DIP2B: variants seen among roughly 807,000 people sequenced by gnomAD.
DIP2B encodes the protein disco-interacting protein 2 homolog B.
A neutral mutation model predicts 198.0 loss-of-function variants in DIP2B; 76 were observed. The ratio of observed to expected loss-of-function variants is 0.38; its 90% CI spans 0.32 to 0.46. The LOEUF (loss-of-function observed/expected upper bound fraction) is 0.46. DIP2B is among the 20% of genes least tolerant of loss of function. The pLI is 0.99. For synonymous variants in DIP2B, 701 were observed against 739.1 expected, an observed-to-expected ratio of 0.95 and a Z score of 0.84; for missense variants, 1,559 against 1,978.4, an observed-to-expected ratio of 0.79 and a Z score of 4.02.
At chr12:50,535,623 G>A (rs1033646860) in intron 1 of DIP2B, among the ~76,000 whole-genome samples, 1 of 151,630 alleles carries the variant, frequency 6.6e-6, no homozygotes, top group African/African-American at 2.4e-5. Flanking sequence ...CTCCTGCCTC[G>A]GTCTCCCAAA....
At chr12:50,580,356 G>A (rs1431128956) in intron 1 of DIP2B, among the ~76,000 whole-genome samples, 1 of 148,534 alleles carries the variant, frequency 6.7e-6, no homozygotes, top group Non-Finnish European at 1.5e-5. Context: ...GGAGTTAAGA[G>A]ATTTTTCCTT....
chr12:50,652,374 C>T (rs891312013), intron 3 of DIP2B, among the ~76,000 whole-genome samples: 1 of 149,364 alleles, frequency 6.7e-6, no homozygotes, highest in Non-Finnish European at 1.5e-5. Flanking sequence ...CACACACGCA[C>T]ACACACACAC....
intron 19 of DIP2B, among the ~76,000 whole-genome samples, chr12:50,699,578 G>A (rs1939380232): frequency 6.6e-6 from 1 of 152,124 alleles, no homozygotes; most frequent in Non-Finnish European, 1.5e-5. Flanking sequence ...GGTAGCTCAT[G>A]CCTGTAATCC....
chr12:50,536,578 T>TG (rs1157005756), intron 1 of DIP2B, among the ~76,000 whole-genome samples: 2 of 151,802 alleles, frequency 1.3e-5, no homozygotes, highest in African/African-American at 2.4e-5. Context: ...TGTTTTGTTT[T>TG]TTTTTTTGAG....
intron 1 of DIP2B, among the ~76,000 whole-genome samples, chr12:50,510,647 C>T (rs1057309988): frequency 7.3e-6 from 1 of 136,276 alleles, no homozygotes; most frequent in Admixed American, 7.3e-5. Flanking sequence ...TAAAGTACCA[C>T]CTTTTTTTTT....
chr12:50,513,853 G>A (rs1344403052), intron 1 of DIP2B, among the ~76,000 whole-genome samples: 6 of 141,050 alleles, frequency 4.3e-5, no homozygotes, highest in Non-Finnish European at 7.6e-5. Context: ...CAGCCTGGGA[G>A]ATAGAGTGGG....
chr12:50,736,736 C>T (rs1940144967), intron 34 of DIP2B, among the ~76,000 whole-genome samples: 1 of 152,220 alleles, frequency 6.6e-6, no homozygotes, highest in Non-Finnish European at 1.5e-5. Flanking sequence ...ACAAATTCTA[C>T]TGTTAAGGTC....
At chr12:50,620,017 C>T (rs747932138) in intron 1 of DIP2B, among the ~76,000 whole-genome samples, 20 of 152,252 alleles carry the variant, frequency 1.3e-4, no homozygotes, top group Non-Finnish European at 2.5e-4. Context: ...CACTGCACTC[C>T]GGCCTGGGTG....
chr12:50,704,763 G>A (rs1192562779), intron 20 of DIP2B, among the ~76,000 whole-genome samples: 3 of 152,060 alleles, frequency 2.0e-5, no homozygotes, highest in Non-Finnish European at 4.4e-5. Flanking sequence ...TCAGGAGTTC[G>A]AGACCAGCCT....
At chr12:50,628,561 C>T (rs116877678) in intron 2 of DIP2B, among the ~76,000 whole-genome samples, 4 of 152,096 alleles carry the variant, frequency 2.6e-5, no homozygotes, top group African/African-American at 4.8e-5. Context: ...TCATCTCTAT[C>T]GTACAGTCAT....
Position 50,533,356 on chromosome 12 carries a change from T to C in DIP2B, c.100+28116T>C, listed in dbSNP as rs577409565. On this transcript the variant is annotated intron_variant, in intron 1 of 37. Coordinates refer to ENST00000301180, the MANE Select transcript of DIP2B (RefSeq NM_173602.3). Reference sequence around the variant, plus strand: ...AATAACCCAACCAAGATGATTGTTTTTCTTTTGCTGTCAGCCTTATCAGCC... The same window carrying C: ...AATAACCCAACCAAGATGATTGTTTCTCTTTTGCTGTCAGCCTTATCAGCC... Among the ~76,000 whole-genome samples the C allele has an allele frequency of 1.5e-3, 232 of 152,328 alleles. 7 individuals are homozygous for C. In the South Asian group the frequency reaches 0.047, roughly 31 times the overall value.
intron 5 of DIP2B, among the ~76,000 whole-genome samples, chr12:50,671,984 T>C (rs926916209): frequency 6.6e-6 from 1 of 152,190 alleles, no homozygotes; most frequent in African/African-American, 2.4e-5. Context: ...TTATGTTTTG[T>C]GTGTGTGTTT....
intron 1 of DIP2B, among the ~76,000 whole-genome samples, chr12:50,508,285 T>A (rs142030462): frequency 1.3e-5 from 2 of 152,360 alleles, no homozygotes; most frequent in East Asian, 3.9e-4. Context: ...TGCAAGTATT[T>A]CTGTGACTGA....
chr12:50,611,667 A>G (rs1176502567), intron 1 of DIP2B, among the ~76,000 whole-genome samples: 1 of 151,094 alleles, frequency 6.6e-6, no homozygotes, highest in Admixed American at 6.6e-5. Flanking sequence ...CTTTTTACCT[A>G]CCCCCAGTAC....
intron 1 of DIP2B, among the ~76,000 whole-genome samples, chr12:50,543,088 G>C (rs1958340940): frequency 6.6e-6 from 1 of 151,854 alleles, no homozygotes; most frequent in South Asian, 2.1e-4. Flanking sequence ...TGCCCAGGCT[G>C]GTCTCAAACT....
At chr12:50,638,300 A>G (rs765599397) in intron 2 of DIP2B, among the ~76,000 whole-genome samples, 8 of 152,228 alleles carry the variant, frequency 5.3e-5, no homozygotes, top group South Asian at 2.1e-4. Context: ...AATTCATCCT[A>G]TAAGCAGAAC....
intron 1 of DIP2B, among the ~76,000 whole-genome samples, chr12:50,625,062 A>G (rs1209901784): frequency 2.0e-5 from 3 of 152,258 alleles, no homozygotes; most frequent in Non-Finnish European, 2.9e-5. Context: ...CCTGTTTTAT[A>G]TATTAGGTTC....
chr12:50,639,124 C>G (rs891577055), intron 2 of DIP2B, among the ~76,000 whole-genome samples: 3 of 144,344 alleles, frequency 2.1e-5, no homozygotes, highest in Non-Finnish European at 4.5e-5. Context: ...GAGTCTTGCT[C>G]TGTCACTCAG....
intron 1 of DIP2B, among the ~76,000 whole-genome samples, chr12:50,531,768 C>A (rs146155424): frequency 6.6e-6 from 1 of 152,208 alleles, no homozygotes; most frequent in Non-Finnish European, 1.5e-5. Flanking sequence ...TATACACATT[C>A]ATCTGTTCTT....
Sources: allele counts gnomAD v4.1 joint callset (sites outside exome capture counted in the v4.1 genomes callset), GRCh38; gene constraint gnomAD v4.1.1; transcripts MANE v1.5; gene names NCBI Gene and HGNC (gene_info 2026-07-23, HGNC 2026-07-21).